BNIPL: variants seen among roughly 807,000 people sequenced by gnomAD.
The protein encoded by BNIPL is BCL2 interacting protein like.
A neutral mutation model predicts 47.0 loss-of-function variants in BNIPL; 33 were observed. The observed-to-expected ratio is 0.70, with a 90% CI of 0.53 to 0.94. The LOEUF is 0.94. Among genes scored for constraint, BNIPL ranks in the 40% least tolerant of loss-of-function variants. The pLI, the probability that BNIPL is intolerant of heterozygous loss-of-function variation, is 0.00. For missense variants in BNIPL, 404 were observed against 445.2 expected (o/e 0.91, Z 0.83); for synonymous variants, 145 against 162.7 (o/e 0.89, Z 0.83).
intron 4 of BNIPL, among the ~76,000 whole-genome samples, chr1:151,042,197 C>A (rs1424800693): frequency 6.6e-6 from 1 of 151,956 alleles, no homozygotes; most frequent in Non-Finnish European, 1.5e-5. Flanking sequence ...ATCTTCCCAC[C>A]TTGGCCTCCC....
chr1:151,037,643 C>T lies in BNIPL; in HGVS notation c.118C>T (p.Gln40Ter), dbSNP rs867965987. The T allele has an allele frequency of 6.2e-7, 1 of 1,601,006 alleles. No individual in the cohort carries two copies. The highest frequency in any genetic ancestry group is 1.7e-5 in the Admixed American group (1 of 58,126). ...HGELELKEEW[Q>*]DEEFPRLLPE... ...GGAGTTGGAGCTGAAGGAGGAATGG[C>T]AGGATGAAGAATTCCCTAGGTGAGG... is the stretch of plus-strand genomic sequence containing the variant. The change falls in exon 2 of 10, where the codon CAG becomes TAG. Residue 40 changes from glutamine to a stop codon, truncating the protein, a stop_gained. Coordinates refer to ENST00000368931, the MANE Select transcript of BNIPL (RefSeq NM_138278.4). LOFTEE classifies it high-confidence loss of function.
At position 151,046,635 on chromosome 1, in the gene BNIPL, C is replaced by A. The variant is rs587727342; in HGVS notation, c.1038-16C>A. 3 of 1,597,440 alleles carry A rather than the reference C, an allele frequency of 1.9e-6. No homozygotes were observed. In the South Asian group the frequency reaches 3.3e-5, roughly 18 times the overall value. ...CCCCCTGAACCACTTCTCTCCTCCC[C>A]CTCTCCCTCTCCTAGGCTGGACCGG... On this transcript the variant is annotated splice_polypyrimidine_tract_variant and intron_variant, in intron 9 of 9. Coordinates refer to ENST00000368931, the MANE Select transcript of BNIPL (RefSeq NM_138278.4).
rs374574769 is a variant in BNIPL at position 151,043,596 on chromosome 1, G to T, written c.720G>T (p.Arg240Ser). 1.1e-5 allele frequency: 17 copies of T among 1,609,946 alleles called. No homozygotes were observed. Among genetic ancestry groups the T allele is most frequent in the Non-Finnish European group, 1.4e-5 (17 of 1,176,548 alleles). The change falls in exon 7 of 10, where the codon AGG becomes AGT. Residue 240 changes from arginine (R) to serine (S), a missense_variant and splice_region_variant. By Grantham distance (110) the Arg-to-Ser change is moderately radical. Coordinates refer to ENST00000368931, the MANE Select transcript of BNIPL (RefSeq NM_138278.4). ...CTTCCCTGCAATTTCATCCCCCCAG[G>T]TATATGGTGGGAACTCTGGAGCTGC... ...NYTYVMEHLF[R>S]YMVGTLELLV...
At chr1:151,043,549 C>G (rs1464351829) in intron 6 of BNIPL, 47 bp from the exon 7 acceptor site, 1 of 1,582,518 alleles carries the variant, frequency 6.3e-7, no homozygotes, top group Non-Finnish European at 8.7e-7. Flanking sequence ...TCCTCTCACT[C>G]TCTGAAGCCC....
At chr1:151,039,939 T>C (rs755330877) in intron 4 of BNIPL, among the ~76,000 whole-genome samples, 5 of 152,084 alleles carry the variant, frequency 3.3e-5, no homozygotes, top group Admixed American at 1.3e-4. Context: ...TTAGTAGAGA[T>C]GGGGTTTCGC....
Position 151,047,549 on chromosome 1 carries a change from G to T in BNIPL, c.*862G>T, listed in dbSNP as rs1348024153. On this transcript the variant is annotated 3_prime_UTR_variant, in exon 10 of 10. Coordinates refer to ENST00000368931, the MANE Select transcript of BNIPL (RefSeq NM_138278.4). Reference sequence around the variant, plus strand: ...ATTTTTGCCCTCTTTAGTAAATTTAGAACTGTAGAGGCTAATAAACTGCGA... The same window carrying T: ...ATTTTTGCCCTCTTTAGTAAATTTATAACTGTAGAGGCTAATAAACTGCGA... The T allele has an allele frequency of 1.0e-5, 4 of 397,554 alleles. No individual in the cohort carries two copies. Among genetic ancestry groups the T allele is most frequent in the Non-Finnish European group, 1.8e-5 (4 of 223,666 alleles). 24.6% of individuals were successfully genotyped at this position (397,554 alleles called of 1,614,324 possible).
intron 5 of BNIPL, 94 bp from the exon 6 acceptor site, chr1:151,043,238 T>TCA: frequency 6.6e-7 from 1 of 1,520,710 alleles, no homozygotes; most frequent in Non-Finnish European, 9.1e-7. Flanking sequence ...TCCTGGAACT[T>TCA]CCAGAGACCC....
chr1:151,037,878 T>TA (rs1348359493), intron 2 of BNIPL, among the ~76,000 whole-genome samples: 2 of 151,610 alleles, frequency 1.3e-5, no homozygotes, highest in South Asian at 4.1e-4. Context: ...CACATGCCTG[T>TA]AATCCCAGCT....
intron 9 of BNIPL, 151 bp downstream of exon 9, chr1:151,046,316 CCA>C (rs1314566898): frequency 7.9e-7 from 1 of 1,260,350 alleles, no homozygotes; most frequent in Non-Finnish European, 1.1e-6. Flanking sequence ...CTGCACACAC[CCA>C]GAGAAGAAAT....
chr1:151,038,000 CAAAAAAAAAAAAAA>C (rs58423611), intron 2 of BNIPL, among the ~76,000 whole-genome samples: 36 of 63,966 alleles, frequency 5.6e-4, no homozygotes, highest in South Asian at 5.4e-4. Context: ...AACTCTGTCT[CAAAAAAAAAAAAAA>C]AAAAAAAAAA....
chr1:151,046,620 C>A, intron 9 of BNIPL, 31 bp from the exon 10 acceptor site: 1 of 1,581,816 alleles, frequency 6.3e-7, no homozygotes, highest in Non-Finnish European at 8.6e-7. Context: ...CCCCCTGAAC[C>A]ACTTCTCTCC....
At chr1:151,045,141 G>T in intron 7 of BNIPL, 1 of 249,652 alleles carries the variant, frequency 4.0e-6, no homozygotes, top group South Asian at 5.3e-5. Context: ...GGTGGCATGT[G>T]CCTATAATCC....
chr1:151,043,207 A>G, intron 5 of BNIPL, 69 bp downstream of exon 5: 3 of 1,553,150 alleles, frequency 1.9e-6, no homozygotes, highest in South Asian at 2.2e-5. Flanking sequence ...CTGGAGACTC[A>G]GTCATTGGAT....
Position 151,046,634 on chromosome 1 carries a change from C to G in BNIPL, c.1038-17C>G. Reference sequence around the variant, plus strand: ...ACCCCCTGAACCACTTCTCTCCTCCCCCTCTCCCTCTCCTAGGCTGGACCG... The same window carrying G: ...ACCCCCTGAACCACTTCTCTCCTCCGCCTCTCCCTCTCCTAGGCTGGACCG... On this transcript the variant is annotated splice_polypyrimidine_tract_variant and intron_variant, in intron 9 of 9. Coordinates refer to ENST00000368931, the MANE Select transcript of BNIPL (RefSeq NM_138278.4). 1.2e-6 allele frequency: 2 copies of G among 1,601,308 alleles called. No homozygotes were observed. Among genetic ancestry groups the G allele is most frequent in the South Asian group, 1.1e-5 (1 of 90,746 alleles).
intron 4 of BNIPL, 104 bp from the exon 5 acceptor site, chr1:151,042,852 G>T: frequency 1.4e-5 from 13 of 899,822 alleles, no homozygotes; most frequent in Middle Eastern, 3.7e-4. Flanking sequence ...GGAAAAAATT[G>T]AGTAATGACA....
In BNIPL at chr1:151,046,761, GTTTTGTAAA is replaced by G; in HGVS notation, c.*76_*84del. 1 of 1,301,384 alleles carries G rather than the reference GTTTTGTAAA, an allele frequency of 7.7e-7. No individual in the cohort carries two copies. The highest frequency in any genetic ancestry group is 1.1e-6 in the Non-Finnish European group (1 of 922,790). 80.6% of individuals were successfully genotyped at this position (1,301,384 alleles called of 1,614,324 possible). On this transcript the variant is annotated 3_prime_UTR_variant, in exon 10 of 10. Coordinates refer to ENST00000368931, the MANE Select transcript of BNIPL (RefSeq NM_138278.4). The stretch of plus-strand genomic sequence containing the variant: ...CCTGAATCCCTGAAACATCTGAACT[GTTTTGTAAA>G]TCATCTTATCCCCAACCTCAGTACC...
At position 151,043,340 on chromosome 1, in the gene BNIPL, G is replaced by A. The variant is rs144320596; in HGVS notation, c.625G>A (p.Gly209Ser). ...CCCCTTACACTCTCCAGGTTACCACGGTGATGGCCTCAATGCTGTCATCCT... is the reference window on the plus strand; with the variant it reads ...CCCCTTACACTCTCCAGGTTACCACAGTGATGGCCTCAATGCTGTCATCCT... ...KKVLSHGGYH[G>S]DGLNAVILFA... Residue 209 changes from glycine to serine, a missense_variant, in exon 6 of 10, where the codon GGT (glycine) becomes AGT (serine). Coordinates refer to ENST00000368931, the MANE Select transcript of BNIPL (RefSeq NM_138278.4). 1,786 of 1,605,810 alleles carry A rather than the reference G, an allele frequency of 1.1e-3. 7 individuals are homozygous for A. The highest frequency in any genetic ancestry group is 7.8e-3 in the Middle Eastern group (47 of 6,050).
intron 7 of BNIPL, 55 bp from the exon 8 acceptor site, chr1:151,045,742 A>G: frequency 6.2e-7 from 1 of 1,613,462 alleles, no homozygotes; most frequent in Non-Finnish European, 8.5e-7. Flanking sequence ...GTTCCACGTG[A>G]TCTTCACACA....
intron 4 of BNIPL, among the ~76,000 whole-genome samples, chr1:151,041,527 A>T (rs2102963372): frequency 6.6e-6 from 1 of 152,232 alleles, no homozygotes; most frequent in South Asian, 2.1e-4. Flanking sequence ...TGAGCCCAGG[A>T]GGTCAAAGCT....
Sources: allele counts gnomAD v4.1 joint callset (sites outside exome capture counted in the v4.1 genomes callset), GRCh38; gene constraint gnomAD v4.1.1; transcripts MANE v1.5; gene names NCBI Gene and HGNC (gene_info 2026-07-23, HGNC 2026-07-21).